Variants in NRG1 observed in about 807,000 individuals in gnomAD.
The protein encoded by NRG1 is pro-neuregulin-1, membrane-bound isoform.
NRG1 carries 18 observed loss-of-function variants against 63.8 expected under a neutral mutation model. The observed-to-expected ratio is 0.28, with a 90% CI of 0.19 to 0.42. The LOEUF (loss-of-function observed/expected upper bound fraction) is 0.42. NRG1 is among the 10% of genes least tolerant of loss of function. The pLI is 1.00. For missense variants in NRG1, 762 were observed against 814.7 expected, an observed-to-expected ratio of 0.94 and a Z score of 0.79; for synonymous variants, 302 against 301.3, an observed-to-expected ratio of 1.00 and a Z score of -0.02.
chr8:31,821,769 T>C (rs1297291884), intron 1 of NRG1, among the ~76,000 whole-genome samples: 1 of 152,056 alleles, frequency 6.6e-6, no homozygotes, highest in Non-Finnish European at 1.5e-5. Context: ...TTTTTATGTG[T>C]TAGAGAGAAA....
intron 1 of NRG1, among the ~76,000 whole-genome samples, chr8:32,337,682 A>AAAAAAAAAAAAAAAAAAAAAAAAAAAAAT (rs1554511693): frequency 1.7e-5 from 2 of 116,632 alleles, no homozygotes; most frequent in African/African-American, 2.9e-5. Context: ...AAAAAAAAAA[A>AAAAAAAAAAAAAAAAAAAAAAAAAAAAAT]GCTGATGCAG....
intron 6 of NRG1, among the ~76,000 whole-genome samples, chr8:32,738,411 G>A (rs896178543): frequency 7.1e-6 from 1 of 141,184 alleles, no homozygotes; most frequent in South Asian, 2.4e-4. Flanking sequence ...TTAATGAAAC[G>A]AATGGTATAT....
chr8:32,292,606 C>T (rs1356065489), intron 1 of NRG1, among the ~76,000 whole-genome samples: 1 of 152,118 alleles, frequency 6.6e-6, no homozygotes, highest in Non-Finnish European at 1.5e-5. Context: ...TTGTTTCTTT[C>T]TAATTCGCAG....
chr8:32,390,602 TAAAA>T (rs66980062), intron 1 of NRG1, among the ~76,000 whole-genome samples: 3 of 130,648 alleles, frequency 2.3e-5, no homozygotes, highest in Non-Finnish European at 4.8e-5. Context: ...GACCCTGTCT[TAAAA>T]AAAAAAAAAA....
chr8:31,823,400 G>C lies in NRG1; in HGVS notation c.37+183969G>C, dbSNP rs188892561. 3.9e-5 allele frequency among the ~76,000 whole-genome samples: 6 copies of C among 152,080 alleles called. No individual in the cohort carries two copies. In the East Asian group the frequency reaches 1.2e-3, roughly 29 times the overall value. On this transcript the variant is annotated intron_variant, in intron 1 of 10. Coordinates refer to the NRG1 transcript ENST00000519301. ...AATTCAGTTTTATTATGCTAAAATT[G>C]TGTGAACTATAGTTCACACAATTCA...
At chr8:31,993,468 C>A (rs1403347400) in intron 1 of NRG1, among the ~76,000 whole-genome samples, 1 of 151,922 alleles carries the variant, frequency 6.6e-6, no homozygotes. Flanking sequence ...ATCATGGGGG[C>A]AGTTTCCCCC....
intron 1 of NRG1, among the ~76,000 whole-genome samples, chr8:32,274,866 A>AG (rs1467745818): frequency 1.3e-5 from 2 of 152,164 alleles, no homozygotes; most frequent in Non-Finnish European, 2.9e-5. Flanking sequence ...TCTGGGAAAA[A>AG]AAAATCCCAT....
At chr8:31,836,388 G>C (rs1012122100) in intron 1 of NRG1, among the ~76,000 whole-genome samples, 3 of 152,052 alleles carry the variant, frequency 2.0e-5, no homozygotes, top group African/African-American at 7.2e-5. Flanking sequence ...GGGAGCAAAA[G>C]AGTTGAAAGT....
chr8:31,792,110 T>C (rs1820775193), intron 1 of NRG1, among the ~76,000 whole-genome samples: 1 of 152,166 alleles, frequency 6.6e-6, no homozygotes, highest in African/African-American at 2.4e-5. Context: ...ACCTTTTTCA[T>C]TTATTTGGGT....
At chr8:32,624,315 G>T (rs1200831153) in intron 5 of NRG1, among the ~76,000 whole-genome samples, 1 of 152,166 alleles carries the variant, frequency 6.6e-6, no homozygotes, top group Non-Finnish European at 1.5e-5. Flanking sequence ...ATCCACTGCT[G>T]TGTGTGTTGG....
chr8:32,455,938 C>T (rs143429986), intron 1 of NRG1, among the ~76,000 whole-genome samples: 18 of 152,292 alleles, frequency 1.2e-4, no homozygotes, highest in South Asian at 2.1e-4. Context: ...CACACCACCA[C>T]GCCCAGCTAA....
At chr8:31,647,719 C>T (rs1004940888) in intron 1 of NRG1, among the ~76,000 whole-genome samples, 1 of 152,212 alleles carries the variant, frequency 6.6e-6, no homozygotes, top group East Asian at 1.9e-4. Context: ...AGGCATGCTG[C>T]TGCTTTGCAA....
At chr8:32,110,722 T>G (rs1358338072) in intron 1 of NRG1, among the ~76,000 whole-genome samples, 1 of 152,176 alleles carries the variant, frequency 6.6e-6, no homozygotes, top group Non-Finnish European at 1.5e-5. Context: ...ATCTGGGAAC[T>G]GAACCAAAGA....
chr8:31,874,988 A>G (rs1829792198), intron 1 of NRG1, among the ~76,000 whole-genome samples: 1 of 152,218 alleles, frequency 6.6e-6, no homozygotes. Flanking sequence ...ATGCATAAAA[A>G]TGACAAGGTT....
chr8:31,668,901 G>A (rs1193860433), intron 1 of NRG1, among the ~76,000 whole-genome samples: 1 of 152,088 alleles, frequency 6.6e-6, no homozygotes, highest in South Asian at 2.1e-4. Context: ...GAAATTCTTA[G>A]GACCAGAAGT....
chr8:32,726,715 C>T (rs913365810), intron 5 of NRG1, among the ~76,000 whole-genome samples: 20 of 151,440 alleles, frequency 1.3e-4, no homozygotes, highest in African/African-American at 3.9e-4. Flanking sequence ...TGTAGACTTT[C>T]GAAGGAAATG....
At chr8:31,993,336 C>T (rs1293560708) in intron 1 of NRG1, among the ~76,000 whole-genome samples, 1 of 151,816 alleles carries the variant, frequency 6.6e-6, no homozygotes, top group Non-Finnish European at 1.5e-5. Context: ...ATTTGTAATC[C>T]CTTGTTCTGC....
intron 1 of NRG1, among the ~76,000 whole-genome samples, chr8:32,342,484 G>C (rs2129478409): frequency 6.6e-6 from 1 of 152,238 alleles, no homozygotes; most frequent in Middle Eastern, 3.4e-3. Context: ...ATCTTAAGGA[G>C]GAAACTTTGT....
At chr8:32,621,715 A>G (rs1415115717) in intron 5 of NRG1, among the ~76,000 whole-genome samples, 1 of 152,234 alleles carries the variant, frequency 6.6e-6, no homozygotes, top group Non-Finnish European at 1.5e-5. Flanking sequence ...TTGAAGGCTT[A>G]CTGTGTGCCA....
Sources: allele counts gnomAD v4.1 joint callset (sites outside exome capture counted in the v4.1 genomes callset), GRCh38; gene constraint gnomAD v4.1.1; transcripts MANE v1.5; gene names NCBI Gene and HGNC (gene_info 2026-07-23, HGNC 2026-07-21).